Variants in ZFAND4 observed in about 807,000 individuals in gnomAD.
ZFAND4 encodes zinc finger AN1-type containing 4.
ZFAND4 carries 43 observed loss-of-function variants against 64.4 expected under a neutral mutation model. The ratio of observed to expected loss-of-function variants is 0.67; its 90% CI spans 0.52 to 0.86. The LOEUF is 0.86. ZFAND4 is among the 40% of genes least tolerant of loss of function. The pLI is 0.00. For synonymous variants in ZFAND4, 296 were observed against 305.7 expected (o/e 0.97, Z 0.33); for missense variants, 929 against 859.8 (o/e 1.08, Z -1.01).
Position 45,626,684 on chromosome 10 carries a change from T to C in ZFAND4, c.1139A>G (p.Asn380Ser), listed in dbSNP as rs1256225194. The change falls in exon 7 of 10, where the codon AAC becomes AGC. Residue 380 changes from asparagine to serine, a missense_variant. Coordinates refer to ENST00000344646, the MANE Select transcript of ZFAND4 (RefSeq NM_174890.4). The stretch of plus-strand genomic sequence containing the variant: ...ACATTCTTCTGAAGGTAAGACAATG[T>C]TCCCATTACTAGATGGCAAGTTTCC... ...FLGNLPSSNG[N>S]IVLPSEECVT... The C allele has an allele frequency of 2.5e-6, 4 of 1,614,124 alleles. No individual in the cohort carries two copies. Among genetic ancestry groups the C allele is most frequent in the Admixed American group, 3.3e-5 (2 of 60,008 alleles).
In ZFAND4 at chr10:45,626,596, A is replaced by C. The variant is rs887225196; in HGVS notation, c.1227T>G (p.Ala409=). ...CTTCTAAGCCGCTGCTCTGTTCATC[A>C]GCATTTCCTTCTGCAAATGAAGCCA... ...GSLASFAEGN[A]DEQSSGLEGA... Residue 409 remains alanine (A), a synonymous_variant, in exon 7 of 10, where the codon GCT becomes GCG. Transcript: ENST00000344646. 8.1e-6 allele frequency: 13 copies of C among 1,614,096 alleles called. No individual in the cohort carries two copies. The highest frequency in any genetic ancestry group is 1.1e-5 in the Non-Finnish European group (13 of 1,180,052).
At chr10:45,637,993 T>C (rs1041074896) in intron 6 of ZFAND4, among the ~76,000 whole-genome samples, 8 of 152,000 alleles carry the variant, frequency 5.3e-5, no homozygotes, top group African/African-American at 1.9e-4. Context: ...GCACTTCACA[T>C]AAAAAACGTA....
At chr10:45,646,757 T>A (rs758797657) in intron 5 of ZFAND4, among the ~76,000 whole-genome samples, 11 of 152,146 alleles carry the variant, frequency 7.2e-5, no homozygotes, top group Non-Finnish European at 1.6e-4. Flanking sequence ...AAAGAGTGTG[T>A]ACTAGAGAAG....
intron 1 of ZFAND4, among the ~76,000 whole-genome samples, chr10:45,671,672 G>C (rs2049201663): frequency 6.6e-6 from 1 of 152,106 alleles, no homozygotes; most frequent in Non-Finnish European, 1.5e-5. Context: ...TCACACACTG[G>C]GGCCTGTCGT....
intron 9 of ZFAND4, chr10:45,617,935 G>A (rs1229508779): frequency 7.3e-6 from 3 of 412,350 alleles, no homozygotes; most frequent in Admixed American, 9.1e-5. Context: ...TAAAGGACAA[G>A]GAAGGATCTG....
At chr10:45,628,892 T>A (rs1589273244) in intron 6 of ZFAND4, among the ~76,000 whole-genome samples, 1 of 101,870 alleles carries the variant, frequency 9.8e-6, no homozygotes, top group Non-Finnish European at 1.8e-5. Flanking sequence ...GTATGGAGCT[T>A]CACCAAAAAA....
chr10:45,660,265 T>C (rs1414377065), intron 2 of ZFAND4, among the ~76,000 whole-genome samples: 1 of 151,902 alleles, frequency 6.6e-6, no homozygotes, highest in East Asian at 1.9e-4. Flanking sequence ...GCACAAGGAT[T>C]ATTTGAGTCC....
chr10:45,634,706 G>A (rs1020701654), intron 6 of ZFAND4, among the ~76,000 whole-genome samples: 1 of 151,908 alleles, frequency 6.6e-6, no homozygotes, highest in Admixed American at 6.6e-5. Context: ...TTTGAAAGAA[G>A]GAAGTCAAAT....
At position 45,626,119 on chromosome 10, in the gene ZFAND4, A is replaced by C; in HGVS notation, c.1704T>G (p.Ser568Arg). 6.2e-7 allele frequency: 1 copy of C among 1,614,106 alleles called. No individual in the cohort carries two copies. The change falls in exon 7 of 10, where the codon AGT (serine) becomes AGG (arginine). Residue 568 changes from serine (S) to arginine (R), a missense_variant. Ser to Arg is a moderately radical substitution (Grantham distance 110, BLOSUM62 -1). Transcript: ENST00000344646. ...KEPVGCVNNI[S>R]FLASLAGSTS... ...TGCTCCCGGCCAGTGAGGCAAGAAA[A>C]CTGATATTATTTACACAACCAACAG... is the stretch of plus-strand genomic sequence containing the variant.
chr10:45,636,946 A>C (rs2046636176), intron 6 of ZFAND4, among the ~76,000 whole-genome samples: 1 of 151,882 alleles, frequency 6.6e-6, no homozygotes, highest in African/African-American at 2.4e-5. Context: ...ATAAACATTT[A>C]GGACTGTGAA....
intron 5 of ZFAND4, among the ~76,000 whole-genome samples, chr10:45,642,765 AT>A: frequency 6.6e-6 from 1 of 151,846 alleles, no homozygotes; most frequent in Non-Finnish European, 1.5e-5. Flanking sequence ...CCAATCACAA[AT>A]TTTTTTCAGA....
chr10:45,650,216 G>A (rs1342470039), intron 4 of ZFAND4: 1 of 151,928 alleles, frequency 6.6e-6, no homozygotes, highest in African/African-American at 2.4e-5. Flanking sequence ...GACTGTAGTG[G>A]CGCAGTCTCC....
intron 2 of ZFAND4, 46 bp from the exon 3 acceptor site, chr10:45,653,105 A>T (rs1053912716): frequency 7.3e-7 from 1 of 1,364,664 alleles, no homozygotes. Context: ...ATTCAATAGC[A>T]TCTCCAAAAG....
chr10:45,639,076 A>C (rs1317612713), intron 6 of ZFAND4, among the ~76,000 whole-genome samples: 5 of 152,284 alleles, frequency 3.3e-5, no homozygotes, highest in African/African-American at 1.2e-4. Flanking sequence ...AGATTTTTGA[A>C]TTTTATTATA....
intron 1 of ZFAND4, among the ~76,000 whole-genome samples, chr10:45,669,997 T>C (rs1367880685): frequency 2.6e-5 from 4 of 152,098 alleles, no homozygotes; most frequent in Admixed American, 2.0e-4. Flanking sequence ...CTCTCACCAC[T>C]CCTATTTAAC....
chr10:45,643,667 CT>C (rs2047181183), intron 5 of ZFAND4, among the ~76,000 whole-genome samples: 1 of 110,058 alleles, frequency 9.1e-6, no homozygotes, highest in East Asian at 2.7e-4. Flanking sequence ...AAGACTCCAT[CT>C]CAAAAAAAAA....
rs1243616237 is a variant in ZFAND4 at position 45,626,313 on chromosome 10, G to A, written c.1510C>T (p.Pro504Ser). Residue 504 changes from proline to serine, a missense_variant, in exon 7 of 10, where the codon CCT (proline) becomes TCT (serine). Transcript: ENST00000344646. ...SKCFEFGKLQ[P>S]SSSQSLDVQN... ...ACATCCAGTGACTGAGAAGAAGAAG[G>A]CTGTAGCTTCCCAAACTCAAAACAT... 1 of 1,614,160 alleles carries A rather than the reference G, an allele frequency of 6.2e-7. No homozygotes were observed. The highest frequency in any genetic ancestry group is 8.5e-7 in the Non-Finnish European group (1 of 1,180,032).
intron 1 of ZFAND4, among the ~76,000 whole-genome samples, chr10:45,669,616 A>G (rs1181527868): frequency 2.0e-5 from 3 of 152,242 alleles, no homozygotes; most frequent in African/African-American, 7.2e-5. Flanking sequence ...ATGAACATCT[A>G]TGCGAAAATC....
At chr10:45,635,157 GA>G (rs1188964440) in intron 6 of ZFAND4, among the ~76,000 whole-genome samples, 1 of 58,626 alleles carries the variant, frequency 1.7e-5, no homozygotes, top group African/African-American at 6.3e-5. Flanking sequence ...AATTTACATG[GA>G]ACCACAAAAG....
Sources: gnomAD v4.1 joint callset for allele counts (sites outside exome capture counted in the v4.1 genomes callset) on GRCh38, gnomAD v4.1.1 for gene constraint, MANE v1.5 for transcripts, NCBI Gene and HGNC (gene_info 2026-07-23, HGNC 2026-07-21) for gene names.